The following FAM13A variants were observed in gnomAD, a reference collection of about 807,000 sequenced individuals.
FAM13A encodes family with sequence similarity 13 member A.
FAM13A carries 76 observed loss-of-function variants against 129.6 expected under a neutral mutation model. The observed-to-expected ratio is 0.59, with a 90% CI of 0.49 to 0.71. FAM13A has a LOEUF of 0.71. FAM13A is among the 30% of genes least tolerant of loss of function. The pLI is 0.00. For missense variants in FAM13A, 1,108 were observed against 1,249.3 expected (o/e 0.89, Z 1.70); for synonymous variants, 443 against 449.9 (o/e 0.98, Z 0.20).
intron 6 of FAM13A, among the ~76,000 whole-genome samples, chr4:88,889,274 G>C (rs1444782194): frequency 6.6e-6 from 1 of 152,148 alleles, no homozygotes; most frequent in Non-Finnish European, 1.5e-5. Context: ...TATGCTGTCT[G>C]ATTTGTATAT....
chr4:88,921,437 T>C (rs558945857), intron 5 of FAM13A, among the ~76,000 whole-genome samples: 2 of 152,324 alleles, frequency 1.3e-5, no homozygotes, highest in Non-Finnish European at 2.9e-5. Flanking sequence ...CAGAATTTCA[T>C]ATCCAGCCAA....
rs995447388 is a variant in FAM13A at position 89,007,643 on chromosome 4, A to G, written c.427+12817T>C. Among the ~76,000 whole-genome samples the G allele has an allele frequency of 3.9e-5, 6 of 152,362 alleles. No individual in the cohort carries two copies. In the South Asian group the frequency reaches 6.2e-4, roughly 16 times the overall value. ...GCCACTAAATTTTGGAGTCATTGTT[A>G]TACAGAAATACATTAACAGATACAC... On this transcript the variant is annotated intron_variant, in intron 3 of 23. Coordinates refer to ENST00000264344, the MANE Select transcript of FAM13A (RefSeq NM_014883.4).
At chr4:88,813,685 T>C (rs1461029124) in intron 7 of FAM13A, among the ~76,000 whole-genome samples, 1 of 152,162 alleles carries the variant, frequency 6.6e-6, no homozygotes, top group Non-Finnish European at 1.5e-5. Flanking sequence ...GCATGCAAAT[T>C]ATCCTGTCAT....
intron 1 of FAM13A, among the ~76,000 whole-genome samples, chr4:89,042,736 C>T (rs1407388027): frequency 7.1e-6 from 1 of 140,430 alleles, no homozygotes; most frequent in African/African-American, 2.7e-5. Context: ...AAAGATAATC[C>T]ATTTAAATTT....
intron 4 of FAM13A, among the ~76,000 whole-genome samples, chr4:88,954,201 T>C (rs1050988600): frequency 6.6e-6 from 1 of 152,220 alleles, no homozygotes; most frequent in African/African-American, 2.4e-5. Context: ...TACTCCTGTA[T>C]TCTTCATCCA....
At chr4:88,873,430 T>C (rs1056429279) in intron 6 of FAM13A, among the ~76,000 whole-genome samples, 10 of 151,954 alleles carry the variant, frequency 6.6e-5, no homozygotes, top group Admixed American at 1.3e-4. Context: ...AAGAATCAAA[T>C]AGATGCAACA....
intron 6 of FAM13A, among the ~76,000 whole-genome samples, chr4:88,866,113 T>C (rs1579022730): frequency 6.6e-6 from 1 of 151,864 alleles, no homozygotes; most frequent in Non-Finnish European, 1.5e-5. Context: ...AATGGCATGA[T>C]CTTGGCTTAC....
intron 4 of FAM13A, among the ~76,000 whole-genome samples, chr4:88,975,020 A>G (rs889274371): frequency 6.6e-6 from 1 of 152,228 alleles, no homozygotes; most frequent in African/African-American, 2.4e-5. Flanking sequence ...GCTGGCATAC[A>G]GTATGTACTC....
intron 8 of FAM13A, among the ~76,000 whole-genome samples, chr4:88,796,300 A>G (rs1726165961): frequency 1.3e-5 from 2 of 151,896 alleles, no homozygotes; most frequent in African/African-American, 2.4e-5. Flanking sequence ...TGGTTGATTG[A>G]AAGTTTTTGT....
At chr4:88,995,555 T>C (rs1325323189) in intron 3 of FAM13A, among the ~76,000 whole-genome samples, 1 of 152,174 alleles carries the variant, frequency 6.6e-6, no homozygotes, top group African/African-American at 2.4e-5. Context: ...TCTGGACCCT[T>C]GGTCTTACAC....
intron 7 of FAM13A, among the ~76,000 whole-genome samples, chr4:88,823,516 G>A (rs1368722448): frequency 1.3e-5 from 2 of 152,176 alleles, no homozygotes; most frequent in Admixed American, 1.3e-4. Flanking sequence ...TGCAGCAAGA[G>A]CCAAGAGTCC....
intron 4 of FAM13A, among the ~76,000 whole-genome samples, chr4:88,979,207 AG>A (rs1226277207): frequency 6.6e-6 from 1 of 152,262 alleles, no homozygotes; most frequent in African/African-American, 2.4e-5. Context: ...TATGAGTACT[AG>A]AGAAAGTATG....
rs370077117 is a variant in FAM13A, at chr4:88,750,501, G to A, written c.1863C>T (p.Tyr621=). 11 of 1,614,172 alleles carry A rather than the reference G, an allele frequency of 6.8e-6. No individual in the cohort carries two copies. The highest frequency in any genetic ancestry group is 2.2e-5 in the South Asian group (2 of 91,084). The change falls in exon 15 of 24, where the codon TAC becomes TAT. Residue 621 remains tyrosine, a synonymous_variant. Transcript: ENST00000264344. ...GGTATTGCCTGCTCTGCCCATAAGC[G>A]TAGAACCGAGGAGAGAGCATGGGGT... ...DSDPMLSPRF[Y]AYGQSRQYLD...
At chr4:88,973,131 A>ATTTTTTTT (rs70959640) in intron 4 of FAM13A, among the ~76,000 whole-genome samples, 1 of 134,480 alleles carries the variant, frequency 7.4e-6, no homozygotes, top group Non-Finnish European at 1.6e-5. Flanking sequence ...CCTAGGCATA[A>ATTTTTTTT]TTTTTTTTTT....
chr4:88,938,291 G>A (rs1754164600), intron 4 of FAM13A, 50 bp from the exon 5 acceptor site: 4 of 1,421,784 alleles, frequency 2.8e-6, no homozygotes, highest in African/African-American at 2.9e-5. Flanking sequence ...ACACAACAGT[G>A]CCTGCTAGCT....
chr4:88,828,673 G>C (rs1435422888), intron 7 of FAM13A, among the ~76,000 whole-genome samples: 4 of 152,174 alleles, frequency 2.6e-5, no homozygotes, highest in African/African-American at 9.7e-5. Flanking sequence ...AGATTCTGAA[G>C]TATAGCTCCT....
At chr4:88,839,397 G>C (rs1172470457) in intron 7 of FAM13A, among the ~76,000 whole-genome samples, 4 of 152,206 alleles carry the variant, frequency 2.6e-5, no homozygotes, top group African/African-American at 9.7e-5. Context: ...TAAGGCAATA[G>C]AGTGTATAGA....
chr4:88,738,677 C>T (rs922788463), intron 20 of FAM13A, among the ~76,000 whole-genome samples: 2 of 152,114 alleles, frequency 1.3e-5, no homozygotes, highest in East Asian at 1.9e-4. Flanking sequence ...GGGATCAGAA[C>T]GGCACTCTTT....
At chr4:88,978,591 G>C (rs912613945) in intron 4 of FAM13A, among the ~76,000 whole-genome samples, 2 of 152,158 alleles carry the variant, frequency 1.3e-5, no homozygotes, top group Non-Finnish European at 2.9e-5. Flanking sequence ...TCAGGAGATC[G>C]AGACCATCCT....
Sources: allele counts gnomAD v4.1 joint callset (sites outside exome capture counted in the v4.1 genomes callset), GRCh38; gene constraint gnomAD v4.1.1; transcripts MANE v1.5; gene names NCBI Gene and HGNC (gene_info 2026-07-23, HGNC 2026-07-21).